Variants in CNOT4 observed in about 807,000 individuals in gnomAD.
CNOT4 encodes CCR4-associated factor 4.
CNOT4 carries 8 observed loss-of-function variants against 73.8 expected under a neutral mutation model. The ratio of observed to expected loss-of-function variants is 0.11; its 90% CI spans 0.06 to 0.20. CNOT4 has a LOEUF of 0.20. Among genes scored for constraint, CNOT4 ranks in the 10% least tolerant of loss-of-function variants. The pLI is 1.00. For missense variants in CNOT4, 564 were observed against 883.4 expected (o/e 0.64, Z 4.58); for synonymous variants, 293 against 321.1 (o/e 0.91, Z 0.94).
At chr7:135,468,871 T>G (rs993461174) in intron 1 of CNOT4, among the ~76,000 whole-genome samples, 2 of 152,114 alleles carry the variant, frequency 1.3e-5, no homozygotes, top group African/African-American at 4.8e-5. Flanking sequence ...TTTTAATATT[T>G]ACCTTCCATC....
rs113527987 is a variant in CNOT4, at chr7:135,499,152, T to G, written c.-93+10737A>C. Among the ~76,000 whole-genome samples the G allele has an allele frequency of 2.6e-5, 4 of 152,282 alleles. 1 individual carries two copies. The highest frequency in any genetic ancestry group is 9.6e-5 in the African/African-American group (4 of 41,544). On this transcript the variant is annotated intron_variant, in intron 1 of 11. Coordinates refer to ENST00000541284, the MANE Select transcript of CNOT4 (RefSeq NM_001190850.2). ...TTCTCTTTCCAGTTTCCCCTGCTCT[T>G]CAGGCAGAGAAAAGACATAAATTTG...
intron 3 of CNOT4, among the ~76,000 whole-genome samples, chr7:135,421,881 T>C (rs1435433698): frequency 6.6e-6 from 1 of 152,180 alleles, no homozygotes; most frequent in African/African-American, 2.4e-5. Flanking sequence ...AGAATCATTA[T>C]CCAATTTTCA....
rs950822121 is a variant in CNOT4 at position 135,412,921 on chromosome 7, A to G, written c.687+567T>C. On this transcript the variant is annotated intron_variant, in intron 6 of 11. Coordinates refer to ENST00000541284, the MANE Select transcript of CNOT4 (RefSeq NM_001190850.2). ...AAGGAGACAGGAGAAGAGGAAATGT[A>G]AAAAAGAACATAGGATATTAAGCCT... 7.2e-5 allele frequency among the ~76,000 whole-genome samples: 11 copies of G among 152,144 alleles called. No homozygotes were observed. The East Asian group carries it at 2.1e-3, about 29-fold the overall frequency.
intron 1 of CNOT4, among the ~76,000 whole-genome samples, chr7:135,504,449 C>T: frequency 7.1e-6 from 1 of 141,844 alleles, no homozygotes; most frequent in African/African-American, 2.7e-5. Flanking sequence ...GCACGTGCCA[C>T]CACATCCGGC....
At chr7:135,389,061 A>G (rs963693655) in intron 10 of CNOT4, among the ~76,000 whole-genome samples, 1 of 151,918 alleles carries the variant, frequency 6.6e-6, no homozygotes, top group Non-Finnish European at 1.5e-5. Context: ...AAACTTATCA[A>G]GTACTTGGAA....
intron 7 of CNOT4, among the ~76,000 whole-genome samples, chr7:135,400,244 G>A (rs1038075601): frequency 2.6e-5 from 4 of 152,080 alleles, no homozygotes; most frequent in Admixed American, 1.3e-4. Flanking sequence ...AATAATAATG[G>A]AAGGTAAGGA....
chr7:135,438,120 TA>T, intron 2 of CNOT4, 37 bp downstream of exon 2: 1 of 1,241,840 alleles, frequency 8.1e-7, no homozygotes. Flanking sequence ...ACTATACAAT[TA>T]AAACAAATCA....
intron 4 of CNOT4, 35 bp downstream of exon 4, chr7:135,415,141 A>T: frequency 8.0e-7 from 1 of 1,244,364 alleles, no homozygotes; most frequent in Non-Finnish European, 1.2e-6. Flanking sequence ...CCCAGACCAT[A>T]GGGAGGAAAA....
Position 135,490,120 on chromosome 7 carries a change from G to T in CNOT4, c.-93+19769C>A, listed in dbSNP as rs3812293. Among the ~76,000 whole-genome samples the T allele has an allele frequency of 2.3e-3, 343 of 152,186 alleles. 13 individuals are homozygous for T. In the East Asian group the frequency reaches 0.054, roughly 24 times the overall value. ...CTTCAAAGTACTCAATAAAAATATC[G>T]TTCATTTTCTTCACAATTTCACATA... On this transcript the variant is annotated intron_variant, in intron 1 of 11. Transcript: ENST00000541284.
At chr7:135,499,666 G>A (rs1269011801) in intron 1 of CNOT4, among the ~76,000 whole-genome samples, 2 of 152,016 alleles carry the variant, frequency 1.3e-5, no homozygotes, top group East Asian at 3.9e-4. Context: ...AATTTCCTGG[G>A]GAAAACACTG....
intron 7 of CNOT4, among the ~76,000 whole-genome samples, chr7:135,401,563 T>C (rs1287502234): frequency 1.3e-5 from 2 of 152,142 alleles, no homozygotes; most frequent in Admixed American, 6.6e-5. Flanking sequence ...GTTCATTCCA[T>C]TTTCAATGGG....
chr7:135,469,112 A>T (rs1801411531), intron 1 of CNOT4, among the ~76,000 whole-genome samples: 1 of 152,166 alleles, frequency 6.6e-6, no homozygotes, highest in Admixed American at 6.6e-5. Flanking sequence ...TAAACGGAAG[A>T]GCAGGAGGTT....
At chr7:135,469,977 A>T (rs183405941) in intron 1 of CNOT4, among the ~76,000 whole-genome samples, 170 of 152,148 alleles carry the variant, frequency 1.1e-3, no homozygotes, top group African/African-American at 3.8e-3. Context: ...ATGCACCACT[A>T]TGCCTGGCTA....
chr7:135,395,865 G>T lies in CNOT4; in HGVS notation c.898C>A (p.Pro300Thr). ...TTTGACAAACCAGGTGGTGGTGAAG[G>T]CGTATCACTGTTAGATATCTGAATA... ...NSQQISNSDTPSPPPGLSKSN... is the reference protein window; with the variant it reads ...NSQQISNSDTTSPPPGLSKSN... The change falls in exon 9 of 12, where the codon CCT (proline) becomes ACT (threonine). Residue 300 changes from proline (P) to threonine (T), a missense_variant. Physicochemically the swap from Pro to Thr is conservative, Grantham distance 38. Transcript: ENST00000541284. 6.2e-7 allele frequency: 1 copy of T among 1,606,606 alleles called. No homozygotes were observed. The highest frequency in any genetic ancestry group is 8.5e-7 in the Non-Finnish European group (1 of 1,173,170).
In CNOT4 at chr7:135,403,912, T is replaced by C. The variant is rs532822623; in HGVS notation, c.822-5686A>G. On this transcript the variant is annotated intron_variant, in intron 7 of 11. Transcript: ENST00000541284. ...ACACTTAATGTTTTTAAAAGATTTA[T>C]ATTTAAGTTAAACCTAAACACACTT... Among the ~76,000 whole-genome samples, 7 of 152,328 alleles carry C rather than the reference T, an allele frequency of 4.6e-5. No homozygotes were observed. The East Asian group carries it at 1.4e-3, about 29-fold the overall frequency.
intron 10 of CNOT4, among the ~76,000 whole-genome samples, chr7:135,374,580 C>T (rs375058570): frequency 4.6e-5 from 7 of 152,202 alleles, no homozygotes; most frequent in South Asian, 2.1e-4. Flanking sequence ...AATATGCAAA[C>T]GGAAAGCCAA....
Position 135,435,631 on chromosome 7 carries a change from T to C in CNOT4, c.174+2527A>G, listed in dbSNP as rs111624735. On this transcript the variant is annotated intron_variant, in intron 2 of 11. Transcript: ENST00000541284. ...TTGTTTCCTGTGTTAGGATCTTCTA[T>C]TTACTGAATTTTGTGCTTCTCTTTC... Among the ~76,000 whole-genome samples, 4 of 152,352 alleles carry C rather than the reference T, an allele frequency of 2.6e-5. 1 individual carries two copies. Among genetic ancestry groups the C allele is most frequent in the African/African-American group, 9.6e-5 (4 of 41,580 alleles).
chr7:135,477,984 T>G lies in CNOT4; in HGVS notation c.-93+31905A>C, dbSNP rs182590242. On this transcript the variant is annotated intron_variant, in intron 1 of 11. Transcript: ENST00000541284. ...TTTAATATAATAGATATGTGCTTATTAACATGCACAAATATGTATTTATTA... is the reference window on the plus strand; with the variant it reads ...TTTAATATAATAGATATGTGCTTATGAACATGCACAAATATGTATTTATTA... Among the ~76,000 whole-genome samples, 419 of 152,280 alleles carry G rather than the reference T, an allele frequency of 2.8e-3. 3 individuals are homozygous for G. The highest frequency in any genetic ancestry group is 0.016 in the South Asian group (77 of 4,828).
intron 10 of CNOT4, among the ~76,000 whole-genome samples, chr7:135,392,662 TAA>T (rs1205876332): frequency 6.6e-6 from 1 of 152,036 alleles, no homozygotes; most frequent in Non-Finnish European, 1.5e-5. Flanking sequence ...AATGAACAAA[TAA>T]GAGTCCCAAC....
Sources: gnomAD v4.1 joint callset for allele counts (sites outside exome capture counted in the v4.1 genomes callset) on GRCh38, gnomAD v4.1.1 for gene constraint, MANE v1.5 for transcripts, NCBI Gene and HGNC (gene_info 2026-07-23, HGNC 2026-07-21) for gene names.